CCDC169: variants seen among roughly 807,000 people sequenced by gnomAD.
The protein encoded by CCDC169 is coiled-coil domain containing 169, also known as coiled-coil domain-containing protein 169.
In CCDC169, 30 loss-of-function variants were observed where a neutral mutation model predicts 36.0. The observed-to-expected ratio is 0.83, with a 90% CI of 0.62 to 1.13. CCDC169 has a LOEUF of 1.13. CCDC169 is among the 50% of genes most tolerant of loss of function. CCDC169 has a pLI of 0.00. For missense variants in CCDC169, 245 were observed against 245.9 expected, an observed-to-expected ratio of 1.00 and a Z score of 0.03; for synonymous variants, 85 against 81.5, an observed-to-expected ratio of 1.04 and a Z score of -0.23.
At chr13:36,282,023 A>C (rs1437155267) in intron 4 of CCDC169, among the ~76,000 whole-genome samples, 2 of 152,236 alleles carry the variant, frequency 1.3e-5, no homozygotes, top group Non-Finnish European at 2.9e-5. Context: ...TTACACATAT[A>C]CTAGTCAACA....
chr13:36,272,374 AG>A (rs1482596289), intron 4 of CCDC169, among the ~76,000 whole-genome samples: 3 of 152,126 alleles, frequency 2.0e-5, no homozygotes, highest in Non-Finnish European at 4.4e-5. Flanking sequence ...ACTTAATCAT[AG>A]GCAGAGAATA....
intron 7 of CCDC169, among the ~76,000 whole-genome samples, chr13:36,246,306 T>C (rs1477072430): frequency 1.3e-5 from 2 of 152,168 alleles, no homozygotes; most frequent in Non-Finnish European, 2.9e-5. Flanking sequence ...AAGGCATAAA[T>C]GCAAAGGGAA....
intron 4 of CCDC169, chr13:36,282,592 GTC>G (rs1202940912): frequency 1.0e-6 from 1 of 959,636 alleles, no homozygotes; most frequent in Non-Finnish European, 1.2e-6. Flanking sequence ...TTTCTGCTTG[GTC>G]TGTGGTCCCA....
chr13:36,277,113 C>T (rs1372865447), intron 4 of CCDC169, among the ~76,000 whole-genome samples: 1 of 152,116 alleles, frequency 6.6e-6, no homozygotes, highest in Non-Finnish European at 1.5e-5. Flanking sequence ...TACATATACA[C>T]CATGGAATAA....
intron 2 of CCDC169, among the ~76,000 whole-genome samples, chr13:36,292,511 A>G (rs1594096138): frequency 6.6e-6 from 1 of 152,216 alleles, no homozygotes; most frequent in Non-Finnish European, 1.5e-5. Context: ...TTCTACATAC[A>G]GTTTCCTATG....
intron 7 of CCDC169, chr13:36,240,461 T>C (rs987141109): frequency 1.3e-5 from 4 of 310,658 alleles, no homozygotes; most frequent in Admixed American, 5.1e-5. Flanking sequence ...AACAGAGTTA[T>C]TGACTTACTC....
At chr13:36,231,772 A>G (rs1485683708) in intron 7 of CCDC169, among the ~76,000 whole-genome samples, 3 of 152,318 alleles carry the variant, frequency 2.0e-5, no homozygotes, top group African/African-American at 7.2e-5. Context: ...GTCTTTCTCT[A>G]TTAAGTCTAA....
intron 7 of CCDC169, among the ~76,000 whole-genome samples, chr13:36,233,052 C>T (rs776138879): frequency 4.6e-5 from 7 of 152,128 alleles, no homozygotes; most frequent in Non-Finnish European, 1.0e-4. Flanking sequence ...TGAGGCTCTG[C>T]ACAAGCAGGA....
intron 4 of CCDC169, among the ~76,000 whole-genome samples, chr13:36,255,536 C>A (rs1245995764): frequency 6.6e-6 from 1 of 151,996 alleles, no homozygotes; most frequent in African/African-American, 2.4e-5. Flanking sequence ...GTGGCGCATG[C>A]CTGTAATCCC....
At chr13:36,240,585 AT>A in intron 7 of CCDC169, 1 of 1,261,224 alleles carries the variant, frequency 7.9e-7, no homozygotes, top group South Asian at 1.3e-5. Context: ...CCTAGTATCA[AT>A]TTCCCTCAGG....
chr13:36,294,451 C>A (rs1334228632), intron 2 of CCDC169, among the ~76,000 whole-genome samples: 1 of 152,102 alleles, frequency 6.6e-6, no homozygotes, highest in African/African-American at 2.4e-5. Flanking sequence ...AGCCTTGGGA[C>A]AAAGTAGTAT....
chr13:36,223,691 G>A (rs977316502), downstream of CCDC169: 3 of 152,004 alleles, frequency 2.0e-5, no homozygotes, highest in Admixed American at 1.3e-4. Flanking sequence ...TGTTGTTACA[G>A]TTTGGTTATT....
chr13:36,226,834 T>A (rs1869903185), downstream of CCDC169: 4 of 296,234 alleles, frequency 1.4e-5, no homozygotes, highest in African/African-American at 8.6e-5. Context: ...GACAAATAAC[T>A]TTCGGCTACT....
chr13:36,247,244 A>G (rs576512949), intron 7 of CCDC169, among the ~76,000 whole-genome samples: 1 of 152,216 alleles, frequency 6.6e-6, no homozygotes, highest in Non-Finnish European at 1.5e-5. Context: ...GGTTACATCC[A>G]AGAACTCTGT....
At chr13:36,256,119 T>G (rs1174589428) in intron 4 of CCDC169, among the ~76,000 whole-genome samples, 1 of 152,238 alleles carries the variant, frequency 6.6e-6, no homozygotes. Flanking sequence ...TGATGGTCAG[T>G]GCTGTCATTC....
Position 36,283,513 on chromosome 13 carries a change from C to T in CCDC169, c.275-4G>A, listed in dbSNP as rs1877800878. On this transcript the variant is annotated splice_polypyrimidine_tract_variant and splice_region_variant and intron_variant, in intron 3 of 7. Coordinates refer to ENST00000239859, the MANE Select transcript of CCDC169 (RefSeq NM_001144981.3). Reference sequence around the variant, plus strand: ...ACACGAATAGAAGATAGTCTATCTACAATAAATCAAATATGAGCACTTAAT... The same window carrying T: ...ACACGAATAGAAGATAGTCTATCTATAATAAATCAAATATGAGCACTTAAT... 1 of 1,550,740 alleles carries T rather than the reference C, an allele frequency of 6.4e-7. No individual in the cohort carries two copies. Among genetic ancestry groups the T allele is most frequent in the Admixed American group, 2.0e-5 (1 of 50,964 alleles).
downstream of CCDC169, among the ~76,000 whole-genome samples, chr13:36,229,441 G>A (rs182919543): frequency 5.3e-5 from 8 of 151,932 alleles, no homozygotes; most frequent in African/African-American, 1.9e-4. Flanking sequence ...CAGTGATTGA[G>A]ATAACTTTAA....
chr13:36,247,829 T>C (rs898353801), intron 7 of CCDC169, among the ~76,000 whole-genome samples: 4 of 152,242 alleles, frequency 2.6e-5, no homozygotes, highest in Non-Finnish European at 4.4e-5. Context: ...GCAGCAGAGT[T>C]TGAAAGGACT....
intron 1 of CCDC169, among the ~76,000 whole-genome samples, chr13:36,296,497 A>G (rs921614161): frequency 1.3e-5 from 2 of 152,258 alleles, no homozygotes; most frequent in East Asian, 3.8e-4. Context: ...ACAGAAAGGC[A>G]TACCTAGGGC....
Sources: allele counts gnomAD v4.1 joint callset (sites outside exome capture counted in the v4.1 genomes callset), GRCh38; gene constraint gnomAD v4.1.1; transcripts MANE v1.5; gene names NCBI Gene and HGNC (gene_info 2026-07-23, HGNC 2026-07-21).